Variants in LLGL1 observed in about 807,000 individuals in gnomAD.
LLGL1 encodes lethal(2) giant larvae protein homolog 1.
A neutral mutation model predicts 110.6 loss-of-function variants in LLGL1; 58 were observed. The observed-to-expected ratio is 0.52, with a 90% CI of 0.42 to 0.65. LLGL1 has a LOEUF of 0.65. LLGL1 is among the 30% of genes least tolerant of loss of function. The pLI, the probability that LLGL1 is intolerant of heterozygous loss-of-function variation, is 0.00. For missense variants in LLGL1, 1,229 were observed against 1,462.1 expected (o/e 0.84, Z 2.60); for synonymous variants, 674 against 607.2 (o/e 1.11, Z -1.62).
Position 18,238,509 on chromosome 17 carries a change from G to T in LLGL1, c.2106G>T (p.Glu702Asp). Residue 702 changes from glutamate (E) to aspartate (D), a missense_variant, in exon 16 of 23, where the codon GAG (glutamate) becomes GAT (aspartate). Glu to Asp is a conservative substitution (Grantham distance 45, BLOSUM62 2). Transcript: ENST00000316843. ...AGCAGGCCTGCCCCCACGACGTGGA[G>T]ATGACGCCCGTGCAGCGCCGCATTG... ...LAEQACPHDVEMTPVQRRIEP... is the reference protein window; with the variant it reads ...LAEQACPHDVDMTPVQRRIEP... The T allele has an allele frequency of 6.2e-7, 1 of 1,612,622 alleles. No homozygotes were observed. The highest frequency in any genetic ancestry group is 2.2e-5 in the East Asian group (1 of 44,886).
chr17:18,226,376 T>C (rs748863875), intron 1 of LLGL1, among the ~76,000 whole-genome samples: 8 of 151,926 alleles, frequency 5.3e-5, no homozygotes, highest in Non-Finnish European at 1.2e-4. Flanking sequence ...TGGGGCCCGG[T>C]TTGTTTTGTG....
Position 18,242,575 on chromosome 17 carries a change from C to T in LLGL1, c.3063C>T (p.Thr1021=). 1 of 1,614,124 alleles carries T rather than the reference C, an allele frequency of 6.2e-7. No homozygotes were observed. Among genetic ancestry groups the T allele is most frequent in the Non-Finnish European group, 8.5e-7 (1 of 1,179,978 alleles). Residue 1021 remains threonine (T), a synonymous_variant, in exon 21 of 23, where the codon ACC becomes ACT. Transcript: ENST00000316843. Reference sequence around the variant, plus strand: ...TCGACTCAGCCACCAGTGCTGACACCACGCTGGACACGACAGGGGACGTCA... The same window carrying T: ...TCGACTCAGCCACCAGTGCTGACACTACGCTGGACACGACAGGGGACGTCA... ...MSIDSATSAD[T]TLDTTGDVTV...
intron 2 of LLGL1, 115 bp from the exon 3 acceptor site, chr17:18,232,380 T>C: frequency 1.1e-6 from 1 of 896,374 alleles, no homozygotes; most frequent in Non-Finnish European, 1.7e-6. Context: ...TCCTGGATGG[T>C]CAGGCCCATG....
chr17:18,234,666 G>C lies in LLGL1; in HGVS notation c.868G>C (p.Ala290Pro), dbSNP rs776347706. ...TTPYGPFPCK[A>P]INKILWRNCE... ...CCCCTCAGGCCCCTTTCCCTGCAAG[G>C]CCATTAACAAGATTCTGTGGCGGAA... Residue 290 changes from alanine (A) to proline (P), a missense_variant, in exon 8 of 23, where the codon GCC (alanine) becomes CCC (proline). By Grantham distance (27) the Ala-to-Pro change is conservative. Coordinates refer to ENST00000316843, the MANE Select transcript of LLGL1 (RefSeq NM_004140.4). 8 of 1,614,160 alleles carry C rather than the reference G, an allele frequency of 5.0e-6. No homozygotes were observed. The highest frequency in any genetic ancestry group is 6.8e-6 in the Non-Finnish European group (8 of 1,180,020).
At chr17:18,225,814 G>C in intron 1 of LLGL1, 51 bp downstream of exon 1, 1 of 601,884 alleles carries the variant, frequency 1.7e-6, no homozygotes, top group Non-Finnish European at 2.1e-6. Flanking sequence ...CGGGACGGGG[G>C]CCTGGGCTGG....
rs1266813807 is a variant in LLGL1, at chr17:18,234,570, G to C, written c.851-79G>C. On this transcript the variant is annotated intron_variant, in intron 7 of 22. Transcript: ENST00000316843. ...GCAGGAGGCAGCTGTAAGGTAGAGA[G>C]CAGTGGAGGGCAGAGCAGGAATGGC... 7.5e-6 allele frequency: 12 copies of C among 1,592,748 alleles called. No individual in the cohort carries two copies. In the Admixed American group the frequency reaches 2.0e-4, roughly 27 times the overall value.
At position 18,233,956 on chromosome 17, in the gene LLGL1, C is replaced by T; in HGVS notation, c.551+20C>T. 2 of 1,603,940 alleles carry T rather than the reference C, an allele frequency of 1.2e-6. No individual in the cohort carries two copies. Among genetic ancestry groups the T allele is most frequent in the Non-Finnish European group, 1.7e-6 (2 of 1,174,264 alleles). On this transcript the variant is annotated intron_variant, in intron 5 of 22. Coordinates refer to ENST00000316843, the MANE Select transcript of LLGL1 (RefSeq NM_004140.4). The stretch of plus-strand genomic sequence containing the variant: ...GCGCAGGTAAGAGGCCGGTGGGCTT[C>T]CCAGCACCCACTGTGTGCCCGGGAA...
chr17:18,238,997 T>A (rs2047761581), intron 16 of LLGL1, among the ~76,000 whole-genome samples: 1 of 151,750 alleles, frequency 6.6e-6, no homozygotes, highest in African/African-American at 2.4e-5. Flanking sequence ...TGCAACAGAG[T>A]GAGACCTTCT....
intron 19 of LLGL1, 46 bp downstream of exon 19, chr17:18,242,045 C>T: frequency 7.7e-6 from 12 of 1,555,710 alleles, no homozygotes; most frequent in Non-Finnish European, 1.1e-5. Flanking sequence ...GTGCCCAGGG[C>T]CAGGTCTCAT....
rs373934880 is a variant in LLGL1 at position 18,229,332 on chromosome 17, G to A, written c.82-609G>A. On this transcript the variant is annotated intron_variant, in intron 1 of 22. Coordinates refer to ENST00000316843, the MANE Select transcript of LLGL1 (RefSeq NM_004140.4). The stretch of plus-strand genomic sequence containing the variant: ...TTGCCCAGCTGTTGGCAGGTGGGGA[G>A]GTGGGAGGATGCCTTCGGGGTCCAG... Among the ~76,000 whole-genome samples, 86 of 152,272 alleles carry A rather than the reference G, an allele frequency of 5.6e-4. 1 individual carries two copies. The East Asian group carries it at 0.012, about 22-fold the overall frequency.
chr17:18,240,896 G>A lies in LLGL1; in HGVS notation c.2502+23G>A. 6.7e-7 allele frequency: 1 copy of A among 1,487,958 alleles called. No individual in the cohort carries two copies. Among genetic ancestry groups the A allele is most frequent in the African/African-American group, 1.4e-5 (1 of 71,958 alleles). The allele number at this position is 1,487,958 out of a possible 1,614,324, so 92.2% of individuals were successfully genotyped here. A position where few individuals can be genotyped will look rare whatever the true frequency, so the allele number is the denominator to read the frequency against. ...AAGGTGAGCCACTGTGGGCTGTGGGGGACTCTGGGGGACTCCCCTCCAGGC... is the reference window on the plus strand; with the variant it reads ...AAGGTGAGCCACTGTGGGCTGTGGGAGACTCTGGGGGACTCCCCTCCAGGC... On this transcript the variant is annotated intron_variant, in intron 17 of 22. Transcript: ENST00000316843. The surrounding 1 kb of genome is among the most constrained non-coding windows in gnomAD (Gnocchi z 5.3).
intron 4 of LLGL1, among the ~76,000 whole-genome samples, chr17:18,233,457 G>C (rs950029707): frequency 3.3e-5 from 5 of 152,134 alleles, no homozygotes; most frequent in Admixed American, 1.3e-4. Context: ...GGATTCCTAG[G>C]AGGGGCTCAG....
At chr17:18,231,449 C>T (rs527980299) in intron 2 of LLGL1, among the ~76,000 whole-genome samples, 17 of 152,218 alleles carry the variant, frequency 1.1e-4, no homozygotes, top group Admixed American at 2.0e-4. Context: ...CTCCTCCCTG[C>T]ACCCTCTGTC....
Position 18,237,569 on chromosome 17 carries a change from C to A in LLGL1, c.1700C>A (p.Thr567Lys). The stretch of plus-strand genomic sequence containing the variant: ...CTCCTCCAGGACCGCGAGGGCTTCA[C>A]ATGGAAGGGCCACGAGCGGCTGAGC... The part of the protein sequence containing the change: ...IDLLQDREGF[T>K]WKGHERLSPR... The change falls in exon 14 of 23, where the codon ACA becomes AAA. Residue 567 changes from threonine to lysine, a missense_variant. Coordinates refer to ENST00000316843, the MANE Select transcript of LLGL1 (RefSeq NM_004140.4). The A allele has an allele frequency of 6.2e-7, 1 of 1,610,128 alleles. No homozygotes were observed. Among genetic ancestry groups the A allele is most frequent in the East Asian group, 2.2e-5 (1 of 44,852 alleles).
At position 18,236,880 on chromosome 17, in the gene LLGL1, C is replaced by G; in HGVS notation, c.1552C>G (p.Gln518Glu). The G allele has an allele frequency of 6.2e-7, 1 of 1,613,906 alleles. No individual in the cohort carries two copies. Among genetic ancestry groups the G allele is most frequent in the Non-Finnish European group, 8.5e-7 (1 of 1,180,002 alleles). The change falls in exon 13 of 23, where the codon CAG becomes GAG. Residue 518 changes from glutamine (Q) to glutamate (E), a missense_variant. Gln to Glu is a conservative substitution (Grantham distance 29, BLOSUM62 2). Coordinates refer to ENST00000316843, the MANE Select transcript of LLGL1 (RefSeq NM_004140.4). ...CAGTGACGATCCCCGGCTTGGCGTGCAGAAGGTTGCTCTCTGCAAGTATAC... is the reference window on the plus strand; with the variant it reads ...CAGTGACGATCCCCGGCTTGGCGTGGAGAAGGTTGCTCTCTGCAAGTATAC... ...PYSDDPRLGVQKVALCKYTAQ... is the reference protein window; with the variant it reads ...PYSDDPRLGVEKVALCKYTAQ...
chr17:18,237,944 T>C, intron 14 of LLGL1, 123 bp from the exon 15 acceptor site: 1 of 1,321,152 alleles, frequency 7.6e-7, no homozygotes, highest in South Asian at 1.4e-5. Context: ...TGCAGCTGGG[T>C]CCATAGGACT....
chr17:18,232,628 A>AT lies in LLGL1; in HGVS notation c.262-43dup, dbSNP rs763880009. 70 of 1,613,656 alleles carry AT rather than the reference A, an allele frequency of 4.3e-5. No individual in the cohort carries two copies. In the Admixed American group the frequency reaches 1.2e-3, roughly 27 times the overall value. On this transcript the variant is annotated intron_variant, in intron 3 of 22. Transcript: ENST00000316843. ...CTCCCTGTGGCCCCCATATCTACTC[A>AT]TCCCCCTAGGCCAGCCTAGTTTTCA...
rs2047807198 is a variant in LLGL1 at position 18,240,612 on chromosome 17, C to G, written c.2241C>G (p.Thr747=). The stretch of plus-strand genomic sequence containing the variant: ...ACGGGCCCACCATGTGGGCTGGCAC[C>G]AACTCAGGCTCTGTGTTCGCCTATG... The part of the protein sequence containing the change: ...AHHGPTMWAG[T]NSGSVFAYAL... Residue 747 remains threonine, a synonymous_variant, in exon 17 of 23, where the codon ACC becomes ACG. Transcript: ENST00000316843. This position sits in a 1 kb window ranked among gnomAD's most constrained non-coding sequence, Gnocchi z 5.3. The G allele has an allele frequency of 2.5e-6, 4 of 1,605,902 alleles. No homozygotes were observed. In the South Asian group the frequency reaches 4.4e-5, roughly 18 times the overall value.
chr17:18,239,047 G>T (rs2047763125), intron 16 of LLGL1, among the ~76,000 whole-genome samples: 1 of 152,202 alleles, frequency 6.6e-6, no homozygotes, highest in Non-Finnish European at 1.5e-5. Flanking sequence ...CAGGGGGACT[G>T]CTGGGTCACC....
Sources: allele counts gnomAD v4.1 joint callset (sites outside exome capture counted in the v4.1 genomes callset), GRCh38; gene constraint gnomAD v4.1.1; non-coding constraint Gnocchi (gnomAD v3.1); transcripts MANE v1.5; gene names NCBI Gene and HGNC (gene_info 2026-07-23, HGNC 2026-07-21).